PPIL2: variants seen among roughly 807,000 people sequenced by gnomAD.
PPIL2 encodes RING-type E3 ubiquitin-protein ligase PPIL2.
In PPIL2, 50 loss-of-function variants were observed where a neutral mutation model predicts 75.2. The observed-to-expected ratio is 0.66, with a 90% CI of 0.53 to 0.84. The LOEUF is 0.84. PPIL2 is among the 40% of genes least tolerant of loss of function. The probability of loss-of-function intolerance (pLI) is 0.00; values close to 1 mark genes in which losing one functional copy is unlikely to be tolerated. For synonymous variants in PPIL2, 245 were observed against 258.8 expected (o/e 0.95, Z 0.51); for missense variants, 590 against 685.0 (o/e 0.86, Z 1.55).
At position 21,675,118 on chromosome 22, in the gene PPIL2, G is replaced by A; in HGVS notation, c.295+3G>A. 6.2e-7 allele frequency: 1 copy of A among 1,612,564 alleles called. No homozygotes were observed. ...GAACTTTTCCAAGAACAGTGAGGGT[G>A]AGTGGAACTATCACAGCCAATTCTG... On this transcript the variant is annotated splice_donor_region_variant and intron_variant, in intron 6 of 19. Coordinates refer to ENST00000398831, the MANE Select transcript of PPIL2 (RefSeq NM_014337.4).
In PPIL2 at chr22:21,686,550, A is replaced by C; in HGVS notation, c.782A>C (p.His261Pro). 1.2e-6 allele frequency: 2 copies of C among 1,614,068 alleles called. No homozygotes were observed. Residue 261 changes from histidine to proline, a missense_variant, in exon 11 of 20, where the codon CAT becomes CCT. By Grantham distance (77) the His-to-Pro change is moderately conservative (BLOSUM62 -2). Transcript: ENST00000398831. ...ACCGCGATGGTCCCGGAGACCACAC[A>C]TGAAGCAGGTAGCCACCTTGGCCTC... ...TSTAMVPETT[H>P]EAAAIDEDVL...
intron 5 of PPIL2, among the ~76,000 whole-genome samples, chr22:21,674,136 G>C (rs1034918527): frequency 2.0e-5 from 3 of 152,152 alleles, no homozygotes; most frequent in African/African-American, 7.2e-5. Context: ...AGGCATAGCT[G>C]GGCCCAGCCC....
chr22:21,670,380 A>G lies in PPIL2; in HGVS notation c.83-186A>G, dbSNP rs769704674. 6 of 1,499,828 alleles carry G rather than the reference A, an allele frequency of 4.0e-6. No homozygotes were observed. In the South Asian group the frequency reaches 7.8e-5, roughly 20 times the overall value. The allele number at this position is 1,499,828 out of a possible 1,614,324, so 92.9% of individuals were successfully genotyped here. A position where few individuals can be genotyped will look rare whatever the true frequency, so the allele number is the denominator to read the frequency against. On this transcript the variant is annotated intron_variant, in intron 2 of 19. Transcript: ENST00000398831. ...TAAAAAGTATGCACTTTTCCCAGTA[A>G]GTTCTTTTTTGATGTACCCCAAGTG...
Position 21,670,580 on chromosome 22 carries a change from A to C in PPIL2, c.97A>C (p.Asn33His). 2.5e-6 allele frequency: 4 copies of C among 1,611,490 alleles called. No individual in the cohort carries two copies. Among genetic ancestry groups the C allele is most frequent in the South Asian group, 1.1e-5 (1 of 90,998 alleles). Residue 33 changes from asparagine to histidine, a missense_variant, in exon 3 of 20, where the codon AAT (asparagine) becomes CAT (histidine). Physicochemically the swap from Asn to His is moderately conservative, Grantham distance 68. Coordinates refer to ENST00000398831, the MANE Select transcript of PPIL2 (RefSeq NM_014337.4). ...GGKKPDLPQTNFRRLPFDHCS... is the reference protein window; with the variant it reads ...GGKKPDLPQTHFRRLPFDHCS... ...TTTTTAAACAGATCTCCCACAAACA[A>C]ATTTTCGTCGTTTACCTTTTGACCA...
chr22:21,672,283 G>A (rs371212099), intron 4 of PPIL2, 47 bp from the exon 5 acceptor site: 9 of 1,523,050 alleles, frequency 5.9e-6, no homozygotes, highest in Non-Finnish European at 8.2e-6. Context: ...GTTACCAGGT[G>A]GCGCCTAAGC....
In PPIL2 at chr22:21,688,068, C is replaced by T. The variant is rs777060254; in HGVS notation, c.988-5C>T. Reference sequence around the variant, plus strand: ...TGACTTGCTCACTGGCTTTTGTTTTCACAGATCCAAGGGGGCGACCCCACA... The same window carrying T: ...TGACTTGCTCACTGGCTTTTGTTTTTACAGATCCAAGGGGGCGACCCCACA... On this transcript the variant is annotated splice_region_variant and splice_polypyrimidine_tract_variant and intron_variant, in intron 13 of 19. Coordinates refer to ENST00000398831, the MANE Select transcript of PPIL2 (RefSeq NM_014337.4). 3 of 1,614,094 alleles carry T rather than the reference C, an allele frequency of 1.9e-6. No homozygotes were observed. Among genetic ancestry groups the T allele is most frequent in the African/African-American group, 2.7e-5 (2 of 74,942 alleles).
chr22:21,669,880 G>T (rs758637573), intron 1 of PPIL2, 33 bp from the exon 2 acceptor site: 2 of 1,595,462 alleles, frequency 1.3e-6, no homozygotes, highest in South Asian at 2.2e-5. Flanking sequence ...TATAAAGGTG[G>T]TGGTGGTAGC....
chr22:21,669,827 T>G (rs1452346919), intron 1 of PPIL2, 86 bp from the exon 2 acceptor site: 2 of 1,384,624 alleles, frequency 1.4e-6, no homozygotes, highest in East Asian at 4.6e-5. Context: ...AAGCATTTGC[T>G]GAGTAAGCAA....
chr22:21,695,640 G>T lies in PPIL2; in HGVS notation c.*150G>T. 6.8e-7 allele frequency: 1 copy of T among 1,461,072 alleles called. No individual in the cohort carries two copies. Among genetic ancestry groups the T allele is most frequent in the South Asian group, 1.4e-5 (1 of 72,120 alleles). 90.5% of individuals were successfully genotyped at this position (1,461,072 alleles called of 1,614,324 possible). ...GCATCCCCTTTCCTGGCCCCTGGGAGCCCACAGCCTTCCCATCCCTTAACC... is the reference window on the plus strand; with the variant it reads ...GCATCCCCTTTCCTGGCCCCTGGGATCCCACAGCCTTCCCATCCCTTAACC... On this transcript the variant is annotated 3_prime_UTR_variant, in exon 20 of 20. Coordinates refer to ENST00000398831, the MANE Select transcript of PPIL2 (RefSeq NM_014337.4).
At chr22:21,688,592 G>T in intron 14 of PPIL2, 140 bp from the exon 15 acceptor site, 1 of 779,828 alleles carries the variant, frequency 1.3e-6, no homozygotes. Flanking sequence ...GGTGGCGTGG[G>T]GCTGGGAGCC....
chr22:21,697,046 G>T lies in PPIL2; in HGVS notation c.*1556G>T. The T allele has an allele frequency of 6.6e-7, 1 of 1,509,206 alleles. No homozygotes were observed. The highest frequency in any genetic ancestry group is 8.9e-7 in the Non-Finnish European group (1 of 1,118,466). The allele number at this position is 1,509,206 out of a possible 1,614,324, so 93.5% of individuals were successfully genotyped here. ...CTGTCATCCCTGTCTGTGACCATTG[G>T]TCGGGCCCCTGGGCTCTAGAGTGAC... is the stretch of plus-strand genomic sequence containing the variant. On this transcript the variant is annotated 3_prime_UTR_variant, in exon 20 of 20. Transcript: ENST00000398831.
Position 21,693,796 on chromosome 22 carries a change from C to CTA in PPIL2, c.1140-20_1140-19insTA, listed in dbSNP as rs778932142. The CTA allele has an allele frequency of 1.1e-5, 17 of 1,528,210 alleles. No homozygotes were observed. The East Asian group carries it at 1.3e-4, about 12-fold the overall frequency. The allele number at this position is 1,528,210 out of a possible 1,614,324, so 94.7% of individuals were successfully genotyped here. On this transcript the variant is annotated intron_variant, in intron 15 of 19. Transcript: ENST00000398831. The stretch of plus-strand genomic sequence containing the variant: ...CAGAAGGTGCCATGCTCTCCCTAAC[C>CTA]ATCCAGCCCTCCTCCCCAGCTTCAT...
intron 15 of PPIL2, among the ~76,000 whole-genome samples, chr22:21,692,358 G>C (rs541053521): frequency 1.7e-4 from 25 of 151,306 alleles, no homozygotes; most frequent in Non-Finnish European, 2.7e-4. Context: ...GTTTCACCGT[G>C]TTAGCGAGGA....
At chr22:21,677,973 C>A (rs2066948300) in intron 6 of PPIL2, among the ~76,000 whole-genome samples, 1 of 152,148 alleles carries the variant, frequency 6.6e-6, no homozygotes, top group South Asian at 2.1e-4. Flanking sequence ...AGTGCAAAGA[C>A]CCTGAGGTGG....
At chr22:21,692,910 A>G (rs557130767) in intron 15 of PPIL2, among the ~76,000 whole-genome samples, 4 of 150,162 alleles carry the variant, frequency 2.7e-5, no homozygotes, top group African/African-American at 4.9e-5. Context: ...TGGGGGACAG[A>G]GCAAGATTCC....
At chr22:21,698,080 A>AACTT (rs1322172770), downstream of PPIL2, 3 of 152,336 alleles carry the variant, frequency 2.0e-5, no homozygotes, top group Admixed American at 6.5e-5. Flanking sequence ...TATTTTAAAT[A>AACTT]ACTTAAATAG....
At chr22:21,691,661 C>G (rs2148567739) in intron 15 of PPIL2, among the ~76,000 whole-genome samples, 1 of 151,282 alleles carries the variant, frequency 6.6e-6, no homozygotes. Flanking sequence ...GCCCTCCAGC[C>G]TGGGTGACAG....
intron 15 of PPIL2, among the ~76,000 whole-genome samples, chr22:21,692,917 T>C (rs1254164473): frequency 4.0e-5 from 6 of 149,156 alleles, no homozygotes; most frequent in South Asian, 2.1e-4. Flanking sequence ...CAGAGCAAGA[T>C]TCCATCTCAA....
At chr22:21,686,624 C>T in intron 11 of PPIL2, 66 bp downstream of exon 11, 1 of 1,484,632 alleles carries the variant, frequency 6.7e-7, no homozygotes, top group Non-Finnish European at 9.4e-7. Flanking sequence ...TGGGTGTGCT[C>T]CCCGACTCCC....
Sources: gnomAD v4.1 joint callset for allele counts (sites outside exome capture counted in the v4.1 genomes callset) on GRCh38, gnomAD v4.1.1 for gene constraint, MANE v1.5 for transcripts, NCBI Gene and HGNC (gene_info 2026-07-23, HGNC 2026-07-21) for gene names.